Variants in STAG1 observed in about 807,000 individuals in gnomAD.
STAG1 encodes STAG1 cohesin complex component.
A neutral mutation model predicts 170.9 loss-of-function variants in STAG1; 26 were observed. The observed-to-expected ratio is 0.15, with a 90% CI of 0.11 to 0.21. STAG1 has a LOEUF of 0.21. Ranked by LOEUF, STAG1 falls within the 10% of genes least tolerant of loss-of-function variation. The pLI, the probability that STAG1 is intolerant of heterozygous loss-of-function variation, is 1.00. For synonymous variants in STAG1, 514 were observed against 497.7 expected (o/e 1.03, Z -0.44); for missense variants, 964 against 1,509.5 (o/e 0.64, Z 5.99).
At chr3:136,670,152 A>G (rs1052068902) in intron 1 of STAG1, among the ~76,000 whole-genome samples, 2 of 152,224 alleles carry the variant, frequency 1.3e-5, no homozygotes, top group African/African-American at 2.4e-5. Flanking sequence ...GAATCATCCA[A>G]TATTAGCAGC....
intron 6 of STAG1, among the ~76,000 whole-genome samples, chr3:136,529,101 T>C (rs1281618109): frequency 2.6e-5 from 4 of 152,152 alleles, no homozygotes; most frequent in African/African-American, 7.2e-5. Context: ...ACAGGTCTTC[T>C]GAAATAATTC....
intron 7 of STAG1, among the ~76,000 whole-genome samples, chr3:136,508,957 G>C (rs960679449): frequency 6.6e-6 from 1 of 152,256 alleles, no homozygotes; most frequent in African/African-American, 2.4e-5. Context: ...TGTTTCTCTG[G>C]GGGAACCCAG....
chr3:136,558,633 C>T (rs115646588), intron 5 of STAG1, among the ~76,000 whole-genome samples: 83 of 152,274 alleles, frequency 5.5e-4, no homozygotes, highest in African/African-American at 1.8e-3. Context: ...TATCTATGAG[C>T]AAAATATGTG....
chr3:136,502,482 C>T, intron 8 of STAG1, 146 bp downstream of exon 8: 12 of 818,108 alleles, frequency 1.5e-5, no homozygotes, highest in Non-Finnish European at 2.0e-5. Context: ...CCAATGAACA[C>T]TCCAGCTTCA....
chr3:136,498,406 A>C (rs1488274204), intron 9 of STAG1, among the ~76,000 whole-genome samples: 1 of 150,654 alleles, frequency 6.6e-6, no homozygotes, highest in South Asian at 2.1e-4. Context: ...AAAAAAACCC[A>C]GATATGTTGC....
Position 136,515,318 on chromosome 3 carries a change from T to C in STAG1, c.676+5895A>G, listed in dbSNP as rs181488857. Among the ~76,000 whole-genome samples the C allele has an allele frequency of 7.3e-3, 1,119 of 152,260 alleles. 15 individuals are homozygous for C. Among genetic ancestry groups the C allele is most frequent in the African/African-American group, 0.024 (1,008 of 41,542 alleles). On this transcript the variant is annotated intron_variant, in intron 7 of 33. Coordinates refer to ENST00000383202, the MANE Select transcript of STAG1 (RefSeq NM_005862.3). ...AGGGGGAGGTTGCAGGGAGCCAAGA[T>C]TGTGCCACAGCACTCCAGCCTGGGT...
chr3:136,710,638 C>T (rs530624305), intron 1 of STAG1, among the ~76,000 whole-genome samples: 125 of 152,120 alleles, frequency 8.2e-4, no homozygotes, highest in Non-Finnish European at 1.5e-3. Flanking sequence ...CTCCAACCAT[C>T]GAGCGAAGAA....
intron 1 of STAG1, 92 bp from the exon 2 acceptor site, chr3:136,631,073 CACT>C: frequency 1.7e-6 from 1 of 588,686 alleles, no homozygotes; most frequent in Non-Finnish European, 2.9e-6. Flanking sequence ...CCAGTGATCA[CACT>C]ACTTGGCATT....
At chr3:136,470,922 G>T (rs1001697015) in intron 12 of STAG1, among the ~76,000 whole-genome samples, 1 of 150,284 alleles carries the variant, frequency 6.7e-6, no homozygotes, top group African/African-American at 2.4e-5. Flanking sequence ...TCATAGGTGG[G>T]AATTGAACAA....
At chr3:136,449,562 A>G (rs2088878408) in intron 14 of STAG1, among the ~76,000 whole-genome samples, 1 of 151,594 alleles carries the variant, frequency 6.6e-6, no homozygotes, top group South Asian at 2.1e-4. Flanking sequence ...TCTGTCTCAA[A>G]AAAAAAAAAA....
At chr3:136,693,979 A>G (rs562108167) in intron 1 of STAG1, among the ~76,000 whole-genome samples, 64 of 152,258 alleles carry the variant, frequency 4.2e-4, no homozygotes, top group South Asian at 8.3e-4. Context: ...GAGAAATTCT[A>G]TGTTAGCTCT....
chr3:136,498,257 C>CATACAAATACAT (rs1472369855), intron 9 of STAG1, among the ~76,000 whole-genome samples: 1 of 83,676 alleles, frequency 1.2e-5, no homozygotes, highest in African/African-American at 6.3e-5. Context: ...CATACACACA[C>CATACAAATACAT]ACACACACAC....
intron 5 of STAG1, among the ~76,000 whole-genome samples, chr3:136,559,726 A>G (rs750743756): frequency 2.0e-5 from 3 of 152,218 alleles, no homozygotes; most frequent in African/African-American, 7.2e-5. Context: ...GCAACTTGCA[A>G]TCTCAACATC....
At chr3:136,751,142 A>G (rs1247426814) in intron 1 of STAG1, among the ~76,000 whole-genome samples, 4 of 151,636 alleles carry the variant, frequency 2.6e-5, no homozygotes, top group East Asian at 3.9e-4. Context: ...CAACTTTAAC[A>G]GCAAATAATT....
At chr3:136,338,582 A>AGAATCT (rs1395184272) in intron 32 of STAG1, 132 bp from the exon 33 acceptor site, 1 of 656,962 alleles carries the variant, frequency 1.5e-6, no homozygotes, top group African/African-American at 1.8e-5. Context: ...AAGGAAGAAG[A>AGAATCT]GAATCTGGCT....
chr3:136,372,684 CCCAGGAATGAAG>C (rs1246020634), intron 23 of STAG1, among the ~76,000 whole-genome samples: 1 of 151,748 alleles, frequency 6.6e-6, no homozygotes, highest in East Asian at 2.0e-4. Flanking sequence ...AGCCTTGCAT[CCCAGGAATGAAG>C]CCCACTTGAT....
intron 32 of STAG1, among the ~76,000 whole-genome samples, chr3:136,339,360 T>C (rs1935846165): frequency 6.6e-6 from 1 of 152,120 alleles, no homozygotes; most frequent in African/African-American, 2.4e-5. Flanking sequence ...CCGTCTCTAC[T>C]AAAAATATAA....
At chr3:136,461,168 G>A (rs1376024426) in intron 13 of STAG1, among the ~76,000 whole-genome samples, 2 of 152,066 alleles carry the variant, frequency 1.3e-5, no homozygotes, top group East Asian at 3.9e-4. Context: ...AACTAGCAAA[G>A]ATGAAACACA....
At chr3:136,435,251 C>CTTGTT (rs2088424575) in intron 15 of STAG1, among the ~76,000 whole-genome samples, 1 of 152,192 alleles carries the variant, frequency 6.6e-6, no homozygotes, top group East Asian at 1.9e-4. Context: ...TCATAAGTGG[C>CTTGTT]TTATATGTAA....
Sources: gnomAD v4.1 joint callset for allele counts (sites outside exome capture counted in the v4.1 genomes callset) on GRCh38, gnomAD v4.1.1 for gene constraint, MANE v1.5 for transcripts, NCBI Gene and HGNC (gene_info 2026-07-23, HGNC 2026-07-21) for gene names.